FBN1: variants seen among roughly 807,000 people sequenced by gnomAD.
FBN1 encodes the protein fibrillin 1, also known as fibrillin-1.
In FBN1, 29 loss-of-function variants were observed where a neutral mutation model predicts 365.1. That is an observed-to-expected ratio of 0.08 (90% CI 0.06 to 0.11). The LOEUF is 0.11. Among genes scored for constraint, FBN1 ranks in the 10% least tolerant of loss-of-function variants. FBN1 has a pLI of 1.00. For missense variants in FBN1, 2,476 were observed against 3,703.2 expected, an observed-to-expected ratio of 0.67 and a Z score of 8.60; for synonymous variants, 1,210 against 1,270.5, an observed-to-expected ratio of 0.95 and a Z score of 1.01.
intron 6 of FBN1, among the ~76,000 whole-genome samples, chr15:48,569,702 A>G (rs2044291061): frequency 6.6e-6 from 1 of 152,174 alleles, no homozygotes; most frequent in African/African-American, 2.4e-5. Context: ...ATAAAATAAT[A>G]TGTGTTATAA....
chr15:48,477,594 T>C (rs2043430791), intron 32 of FBN1, among the ~76,000 whole-genome samples: 1 of 152,192 alleles, frequency 6.6e-6, no homozygotes, highest in Middle Eastern at 3.4e-3. Flanking sequence ...TAATTCATCA[T>C]AAAAGCAAAC....
chr15:48,439,872 G>T (rs962609773), intron 50 of FBN1, among the ~76,000 whole-genome samples: 1 of 152,134 alleles, frequency 6.6e-6, no homozygotes, highest in Non-Finnish European at 1.5e-5. Context: ...TACACCTGTG[G>T]TCTTTTGTGC....
At chr15:48,494,431 A>G (rs899218361) in intron 22 of FBN1, among the ~76,000 whole-genome samples, 177 bp from the exon 23 acceptor site, 1 of 152,256 alleles carries the variant, frequency 6.6e-6, no homozygotes, top group Non-Finnish European at 1.5e-5. Flanking sequence ...GAGGAAGAAC[A>G]GTAATGAAAT....
rs903038073 is a variant in FBN1, at chr15:48,421,909, G to C, written c.7570+43C>G. On this transcript the variant is annotated intron_variant, in intron 61 of 65. Coordinates refer to ENST00000316623, the MANE Select transcript of FBN1 (RefSeq NM_000138.5). ...GGAAATAGAAAATAATCCCTTAAAA[G>C]AATCGCTACAATCCATGTAGGATTT... The C allele has an allele frequency of 2.1e-6, 3 of 1,441,666 alleles. No homozygotes were observed. In the African/African-American group the frequency reaches 4.2e-5, roughly 20 times the overall value. 89.3% of individuals were successfully genotyped at this position (1,441,666 alleles called of 1,614,324 possible).
chr15:48,632,966 A>G (rs1890015534), intron 2 of FBN1, among the ~76,000 whole-genome samples: 1 of 152,208 alleles, frequency 6.6e-6, no homozygotes, highest in African/African-American at 2.4e-5. Flanking sequence ...CAGTCCATGA[A>G]AGATTAAAAA....
chr15:48,639,048 G>A (rs1398521602), intron 2 of FBN1, among the ~76,000 whole-genome samples: 1 of 152,160 alleles, frequency 6.6e-6, no homozygotes, highest in Non-Finnish European at 1.5e-5. Context: ...AAATAATACT[G>A]TGTGATTAAC....
chr15:48,643,087 T>A (rs949313317), intron 2 of FBN1: 25 of 152,236 alleles, frequency 1.6e-4, no homozygotes, highest in Non-Finnish European at 4.4e-5. Flanking sequence ...ACGTCCTTTA[T>A]ATACAGGAGC....
Position 48,514,343 on chromosome 15 carries a change from G to A in FBN1, c.1469-675C>T, listed in dbSNP as rs529924329. ...AGATACAGATTTGACCTCACATTCC[G>A]CAACCCTGAGTTAGATGTTCCCACT... is the stretch of plus-strand genomic sequence containing the variant. On this transcript the variant is annotated intron_variant, in intron 12 of 65. Coordinates refer to ENST00000316623, the MANE Select transcript of FBN1 (RefSeq NM_000138.5). Among the ~76,000 whole-genome samples the A allele has an allele frequency of 3.9e-5, 6 of 152,246 alleles. No individual in the cohort carries two copies. In the South Asian group the frequency reaches 8.3e-4, roughly 21 times the overall value.
intron 6 of FBN1, among the ~76,000 whole-genome samples, chr15:48,569,930 C>A (rs1022170163): frequency 5.3e-5 from 8 of 151,910 alleles, no homozygotes; most frequent in Non-Finnish European, 1.0e-4. Context: ...GAATTATACA[C>A]TTAAGATGGG....
chr15:48,641,886 A>T (rs1347743754), intron 2 of FBN1: 1 of 152,228 alleles, frequency 6.6e-6, no homozygotes, highest in Non-Finnish European at 1.5e-5. Context: ...ATGTTATTCA[A>T]ATTTAACATA....
At chr15:48,480,702 C>T (rs1427520665) in intron 32 of FBN1, among the ~76,000 whole-genome samples, 2 of 152,120 alleles carry the variant, frequency 1.3e-5, no homozygotes, top group African/African-American at 4.8e-5. Flanking sequence ...GGAGGATCTG[C>T]ACATTTGCCC....
At chr15:48,465,504 T>C (rs1258127360) in intron 40 of FBN1, 64 bp downstream of exon 40, 16 of 1,581,086 alleles carry the variant, frequency 1.0e-5, no homozygotes, top group African/African-American at 1.3e-5. Context: ...AGTAACCATA[T>C]TCTGGTTTTG....
intron 45 of FBN1, 67 bp from the exon 46 acceptor site, chr15:48,448,960 G>C: frequency 3.0e-6 from 4 of 1,338,900 alleles, no homozygotes; most frequent in Non-Finnish European, 4.3e-6. Flanking sequence ...CTTACTTCTA[G>C]CTATCATTCT....
intron 9 of FBN1, among the ~76,000 whole-genome samples, chr15:48,524,245 G>A (rs1350629478): frequency 6.6e-6 from 1 of 152,210 alleles, no homozygotes; most frequent in Non-Finnish European, 1.5e-5. Flanking sequence ...GGGAGCTCGG[G>A]GCTGGGAGGT....
chr15:48,572,960 G>A (rs2044317472), intron 6 of FBN1, among the ~76,000 whole-genome samples: 2 of 152,020 alleles, frequency 1.3e-5, no homozygotes, highest in South Asian at 4.1e-4. Flanking sequence ...GACTAGTTGC[G>A]AACATCTGTT....
At chr15:48,477,997 G>A (rs2043435239) in intron 32 of FBN1, among the ~76,000 whole-genome samples, 2 of 152,124 alleles carry the variant, frequency 1.3e-5, no homozygotes, top group African/African-American at 4.8e-5. Context: ...GGCTGCTGTG[G>A]CCTCCTCTTA....
In FBN1 at chr15:48,489,725, T is replaced by G. The variant is rs1300145932; in HGVS notation, c.3082+126A>C. The G allele has an allele frequency of 3.8e-6, 3 of 791,068 alleles. No individual in the cohort carries two copies. The East Asian group carries it at 8.0e-5, about 21-fold the overall frequency. The allele number at this position is 791,068 out of a possible 1,614,324, so 49.0% of individuals were successfully genotyped here. On this transcript the variant is annotated intron_variant, in intron 25 of 65. Transcript: ENST00000316623. ...AAGTTCATACTTTTCTAAACAAAGA[T>G]AATTATATAATTCAGAAAGCAAAAA...
chr15:48,516,332 A>G lies in FBN1; in HGVS notation c.1178T>C (p.Met393Thr), dbSNP rs2043801666. The stretch of plus-strand genomic sequence containing the variant: ...ATATTCTGGTCTCCCAGGAATTACC[A>G]TAGGAACAGAGCACAGCTTGTTGAA... ...EDFNKLCSVP[M>T]VIPGRPEYPP... is the part of the protein sequence containing the mutation. The change falls in exon 11 of 66, where the codon ATG becomes ACG. Residue 393 changes from methionine (M) to threonine (T), a missense_variant. Physicochemically the swap from Met to Thr is moderately conservative, Grantham distance 81 (BLOSUM62 -1). Around this residue, in one of 5 missense-constraint regions of FBN1, gnomAD observed 421 missense variants for 520.1 expected, o/e 0.81. Transcript: ENST00000316623. 2 of 1,613,900 alleles carry G rather than the reference A, an allele frequency of 1.2e-6. No individual in the cohort carries two copies. Among genetic ancestry groups the G allele is most frequent in the Middle Eastern group, 1.7e-4 (1 of 5,986 alleles).
At chr15:48,548,358 T>G (rs527574753) in intron 6 of FBN1, among the ~76,000 whole-genome samples, 1 of 152,290 alleles carries the variant, frequency 6.6e-6, no homozygotes, top group South Asian at 2.1e-4. Context: ...TTGGAATTAA[T>G]AGTTATTTCC....
Sources: gnomAD v4.1 joint callset for allele counts (sites outside exome capture counted in the v4.1 genomes callset) on GRCh38, gnomAD v4.1.1 for gene constraint, gnomAD v4.1.1 regional missense constraint, MANE v1.5 for transcripts, NCBI Gene and HGNC (gene_info 2026-07-23, HGNC 2026-07-21) for gene names.